FAM110B: variants seen among roughly 807,000 people sequenced by gnomAD.
FAM110B encodes the protein protein FAM110B.
Under a neutral mutation model 20.4 loss-of-function variants are expected in FAM110B, and 6 were observed. The observed-to-expected ratio is 0.29, with a 90% CI of 0.16 to 0.58. FAM110B has a LOEUF of 0.58. FAM110B is among the 20% of genes least tolerant of loss of function. The pLI is 0.90. For synonymous variants in FAM110B, 226 were observed against 214.1 expected (o/e 1.06, Z -0.49); for missense variants, 434 against 498.2 (o/e 0.87, Z 1.23).
chr8:58,093,348 G>A (rs149940288), intron 3 of FAM110B, among the ~76,000 whole-genome samples: 7,450 of 152,212 alleles, frequency 0.049, 603 homozygotes, highest in African/African-American at 0.17. Flanking sequence ...AAATGGTGTT[G>A]CCTAGGTTTT....
intron 3 of FAM110B, among the ~76,000 whole-genome samples, chr8:58,080,407 T>G (rs1585868490): frequency 6.6e-6 from 1 of 152,296 alleles, no homozygotes; most frequent in East Asian, 1.9e-4. Context: ...GGAAAGAGAC[T>G]GTTAGGAGGA....
chr8:58,073,749 C>T (rs1358245522), intron 2 of FAM110B, among the ~76,000 whole-genome samples: 1 of 152,182 alleles, frequency 6.6e-6, no homozygotes, highest in African/African-American at 2.4e-5. Context: ...ATGTAGACTC[C>T]TGAAAGTCAT....
chr8:58,123,817 T>C (rs1807426163), intron 3 of FAM110B, among the ~76,000 whole-genome samples: 1 of 152,224 alleles, frequency 6.6e-6, no homozygotes, highest in African/African-American at 2.4e-5. Flanking sequence ...GTGATTTAGA[T>C]TCTGAGGTAC....
At position 58,146,420 on chromosome 8, in the gene FAM110B, A is replaced by G; in HGVS notation, c.190A>G (p.Ser64Gly). Residue 64 changes from serine (S) to glycine (G), a missense_variant, in exon 4 of 4, where the codon AGC (serine) becomes GGC (glycine). By Grantham distance (56) the Ser-to-Gly change is moderately conservative. Around this residue, in one of 3 missense-constraint regions of FAM110B, gnomAD observed 284 missense variants for 278.3 expected, o/e 1.02. Transcript: ENST00000519262. ...GGCCGACAAGGCCAAGTACGTCAAG[A>G]GCCAGGAGGTGATCAACGCCAAGCA... ...LEADKAKYVK[S>G]QEVINAKQEP... 6.2e-7 allele frequency: 1 copy of G among 1,613,906 alleles called. No homozygotes were observed.
intron 1 of FAM110B, among the ~76,000 whole-genome samples, chr8:58,003,747 C>CT (rs1804348767): frequency 6.6e-6 from 1 of 152,214 alleles, no homozygotes; most frequent in Non-Finnish European, 1.5e-5. Context: ...GTAGATCATA[C>CT]TGTAAACAGA....
chr8:58,082,847 G>T (rs374286002), intron 3 of FAM110B, among the ~76,000 whole-genome samples: 7,970 of 135,494 alleles, frequency 0.059, 725 homozygotes, highest in African/African-American at 0.2. Flanking sequence ...GTTTTTTTTT[G>T]TTTTTTTTTT....
chr8:58,112,304 G>C (rs969509045), intron 3 of FAM110B, among the ~76,000 whole-genome samples: 2 of 152,186 alleles, frequency 1.3e-5, no homozygotes, highest in African/African-American at 4.8e-5. Flanking sequence ...ACTCCAGCCT[G>C]GGTGACAGAG....
chr8:58,121,602 G>A (rs1807361916), intron 3 of FAM110B, among the ~76,000 whole-genome samples: 1 of 152,166 alleles, frequency 6.6e-6, no homozygotes, highest in Admixed American at 6.5e-5. Context: ...TTATGACAAT[G>A]TAATATAGCT....
chr8:58,011,794 A>G (rs1804541334), intron 1 of FAM110B, among the ~76,000 whole-genome samples: 1 of 152,194 alleles, frequency 6.6e-6, no homozygotes. Context: ...GATTATTTCA[A>G]GGATTTAGGT....
Position 58,010,499 on chromosome 8 carries a change from G to T in FAM110B, c.-512+15693G>T, listed in dbSNP as rs139146006. ...GGTTCTGCCCCATGAGCCATACTCT[G>T]TTGAGTGATCTGGGGCTCATTCATT... is the stretch of plus-strand genomic sequence containing the variant. On this transcript the variant is annotated intron_variant, in intron 1 of 3. Coordinates refer to ENST00000519262, the MANE Select transcript of FAM110B (RefSeq NM_001377989.1). 4.3e-3 allele frequency among the ~76,000 whole-genome samples: 654 copies of T among 152,316 alleles called. 3 individuals carry two copies. The highest frequency in any genetic ancestry group is 4.5e-3 in the Non-Finnish European group (303 of 68,016).
chr8:58,103,330 A>AC (rs1806831003), intron 3 of FAM110B, among the ~76,000 whole-genome samples: 1 of 65,600 alleles, frequency 1.5e-5, no homozygotes, highest in East Asian at 4.9e-4. Flanking sequence ...CCCTCCCTCC[A>AC]CCCCACAACA....
intron 1 of FAM110B, among the ~76,000 whole-genome samples, chr8:58,006,604 A>AT (rs773603784): frequency 0.014 from 2,023 of 140,142 alleles, 27 homozygotes; most frequent in African/African-American, 0.033. Flanking sequence ...CCCTTAATTG[A>AT]TTTTTTTTTT....
chr8:58,137,363 C>T (rs1352591686), intron 3 of FAM110B, among the ~76,000 whole-genome samples: 3 of 152,114 alleles, frequency 2.0e-5, no homozygotes, highest in Non-Finnish European at 2.9e-5. Flanking sequence ...AGTTTGAGAC[C>T]AGCCTGGCCA....
At chr8:58,049,243 T>G (rs1281286007) in intron 2 of FAM110B, among the ~76,000 whole-genome samples, 5 of 152,158 alleles carry the variant, frequency 3.3e-5, no homozygotes, top group Non-Finnish European at 4.4e-5. Flanking sequence ...AGTTAGTGCA[T>G]AAAATAGTGC....
chr8:58,112,503 C>T (rs558261512), intron 3 of FAM110B, among the ~76,000 whole-genome samples: 1 of 152,340 alleles, frequency 6.6e-6, no homozygotes, highest in South Asian at 2.1e-4. Flanking sequence ...ATGTTTGTAA[C>T]ATTAGTAACA....
At chr8:58,099,531 G>A (rs1405391495) in intron 3 of FAM110B, among the ~76,000 whole-genome samples, 5 of 152,150 alleles carry the variant, frequency 3.3e-5, no homozygotes, top group Non-Finnish European at 7.4e-5. Context: ...TTTTGAAACT[G>A]AGAAAAGTAA....
intron 1 of FAM110B, among the ~76,000 whole-genome samples, chr8:58,025,184 A>C: frequency 6.6e-6 from 1 of 152,126 alleles, no homozygotes; most frequent in Non-Finnish European, 1.5e-5. Context: ...TCTGGGGCAA[A>C]TGTTTTTGTG....
intron 3 of FAM110B, among the ~76,000 whole-genome samples, chr8:58,078,489 A>G (rs1196434653): frequency 6.6e-6 from 1 of 151,444 alleles, no homozygotes; most frequent in Non-Finnish European, 1.5e-5. Context: ...TAAGTAATTG[A>G]TAAAGTCAGT....
chr8:58,067,855 T>G (rs1300877578), intron 2 of FAM110B, among the ~76,000 whole-genome samples: 1 of 152,196 alleles, frequency 6.6e-6, no homozygotes, highest in Admixed American at 6.5e-5. Flanking sequence ...TTCCAGAGGT[T>G]GTATACATAG....
Sources: allele counts gnomAD v4.1 joint callset (sites outside exome capture counted in the v4.1 genomes callset), GRCh38; gene constraint gnomAD v4.1.1; regional missense constraint gnomAD v4.1.1; transcripts MANE v1.5; gene names NCBI Gene and HGNC (gene_info 2026-07-23, HGNC 2026-07-21).